The following LAMB1 variants were observed in gnomAD, a reference collection of about 807,000 sequenced individuals.
LAMB1 encodes the protein laminin subunit beta-1.
In LAMB1, 121 loss-of-function variants were observed where a neutral mutation model predicts 222.3. The ratio of observed to expected loss-of-function variants is 0.54; its 90% CI spans 0.47 to 0.63. The LOEUF is 0.63. LAMB1 is among the 30% of genes least tolerant of loss of function. The pLI, the probability that LAMB1 is intolerant of heterozygous loss-of-function variation, is 0.00. For synonymous variants in LAMB1, 794 were observed against 807.2 expected (o/e 0.98, Z 0.28); for missense variants, 2,172 against 2,240.8 (o/e 0.97, Z 0.62).
At chr7:107,927,856 G>A (rs1451607654) in intron 31 of LAMB1, among the ~76,000 whole-genome samples, 1 of 152,102 alleles carries the variant, frequency 6.6e-6, no homozygotes, top group African/African-American at 2.4e-5. Context: ...AATAGAATAG[G>A]GGAACACAGG....
chr7:107,985,179 G>A (rs1015228654), intron 7 of LAMB1, among the ~76,000 whole-genome samples: 46 of 152,294 alleles, frequency 3.0e-4, no homozygotes, highest in African/African-American at 9.9e-4. Flanking sequence ...AGATGTAAAT[G>A]TATTCCCTAT....
rs771341181 is a variant in LAMB1 at position 107,952,104 on chromosome 7, G to T, written c.3199C>A (p.Arg1067Ser). Residue 1067 changes from arginine (R) to serine (S), a missense_variant, in exon 23 of 34, where the codon CGC becomes AGC. Arg to Ser is a moderately radical substitution (Grantham distance 110). Coordinates refer to ENST00000222399, the MANE Select transcript of LAMB1 (RefSeq NM_002291.3). Reference protein sequence around the residue: ...LPNVIGQNCDRCAPNTWQLAS... With the variant: ...LPNVIGQNCDSCAPNTWQLAS... ...AGCTGCCAGGTATTGGGCGCACAGC[G>T]GTCACAGTTCTGCCCGATCACATTA... 1 of 1,614,050 alleles carries T rather than the reference G, an allele frequency of 6.2e-7. No individual in the cohort carries two copies. The highest frequency in any genetic ancestry group is 8.5e-7 in the Non-Finnish European group (1 of 1,179,970).
intron 24 of LAMB1, among the ~76,000 whole-genome samples, chr7:107,949,009 C>G (rs1305493052): frequency 6.6e-6 from 1 of 152,180 alleles, no homozygotes; most frequent in Admixed American, 6.5e-5. Flanking sequence ...TACTTAGTTT[C>G]TGTTTTTTAT....
intron 24 of LAMB1, among the ~76,000 whole-genome samples, chr7:107,943,763 C>T (rs2033049404): frequency 6.6e-6 from 1 of 152,134 alleles, no homozygotes; most frequent in African/African-American, 2.4e-5. Context: ...CTGTTACTTT[C>T]CCAGCTGTTT....
Position 107,975,737 on chromosome 7 carries a change from A to G in LAMB1, c.1141T>C (p.Tyr381His), listed in dbSNP as rs894998808. The G allele has an allele frequency of 2.5e-6, 4 of 1,613,538 alleles. No homozygotes were observed. The highest frequency in any genetic ancestry group is 3.4e-6 in the Non-Finnish European group (4 of 1,179,836). Residue 381 changes from tyrosine to histidine, a missense_variant, in exon 10 of 34, where the codon TAC becomes CAC. Tyr to His is a moderately conservative substitution (Grantham distance 83). Transcript: ENST00000222399. ...ATGTCCCTCTCTGGGTGCTGGTAGT[A>G]AAACGGCTTGCACTGCTCACAGTTG... ...GRNCEQCKPF[Y>H]YQHPERDIRD...
chr7:107,955,397 T>G, intron 21 of LAMB1, 70 bp downstream of exon 21: 5 of 1,353,596 alleles, frequency 3.7e-6, no homozygotes, highest in Non-Finnish European at 5.0e-6. Context: ...TCTTTTTTTC[T>G]CATTAACAAT....
chr7:107,966,003 C>G (rs528364952), intron 13 of LAMB1, among the ~76,000 whole-genome samples: 1 of 151,858 alleles, frequency 6.6e-6, no homozygotes, highest in South Asian at 2.1e-4. Context: ...GAGGCTGAGA[C>G]AGGAGAATCA....
intron 12 of LAMB1, among the ~76,000 whole-genome samples, chr7:107,974,118 A>G (rs2528653): frequency 0.71 from 107,066 of 151,850 alleles, 38,356 homozygotes; most frequent in African/African-American, 0.83. Flanking sequence ...CTTTAAGAAT[A>G]TATTAAGATT....
Position 107,940,012 on chromosome 7 carries a change from A to G in LAMB1, c.3738T>C (p.Ile1246=), listed in dbSNP as rs143391800. The G allele has an allele frequency of 1.2e-5, 20 of 1,613,766 alleles. No homozygotes were observed. The highest frequency in any genetic ancestry group is 1.7e-5 in the Non-Finnish European group (20 of 1,179,852). The change falls in exon 25 of 34, where the codon ATT becomes ATC. Residue 1246 remains isoleucine, a synonymous_variant. Transcript: ENST00000222399. Reference sequence around the variant, plus strand: ...ACTCTGCTTCCTCAAAGAGATTCCCAATGTTTTTCAGTGGCTCTGCTGCGG... The same window carrying G: ...ACTCTGCTTCCTCAAAGAGATTCCCGATGTTTTTCAGTGGCTCTGCTGCGG... ...QSPAAEPLKN[I]GNLFEEAEKL... is the part of the protein sequence containing the mutation.
chr7:107,984,870 G>A (rs1039652122), intron 7 of LAMB1, among the ~76,000 whole-genome samples: 3 of 151,864 alleles, frequency 2.0e-5, no homozygotes, highest in African/African-American at 4.9e-5. Context: ...ATATAGTTAT[G>A]CTAAAAAAAA....
chr7:107,961,411 G>C, intron 16 of LAMB1, 82 bp from the exon 17 acceptor site: 1 of 1,583,650 alleles, frequency 6.3e-7, no homozygotes, highest in Non-Finnish European at 8.6e-7. Context: ...ACAAAGCTCT[G>C]CATCGATAAT....
At chr7:108,002,732 C>T (rs1343085341) in intron 2 of LAMB1, 117 bp downstream of exon 2, 1 of 1,401,532 alleles carries the variant, frequency 7.1e-7, no homozygotes, top group East Asian at 2.4e-5. Context: ...GGCGTCATTT[C>T]CATCCAGTCC....
intron 12 of LAMB1, among the ~76,000 whole-genome samples, chr7:107,973,586 G>T (rs2033795157): frequency 1.3e-5 from 2 of 152,202 alleles, no homozygotes; most frequent in Admixed American, 1.3e-4. Flanking sequence ...AAATGGAACA[G>T]TAGGGAAGAG....
In LAMB1 at chr7:107,960,325, C is replaced by A. The variant is rs559730223; in HGVS notation, c.2314+120G>T. ...AGATAAAGACAAACTGTAACTGAGA[C>A]ACTATTTCCCTTGTGCTGCCTAACA... On this transcript the variant is annotated intron_variant, in intron 18 of 33. Coordinates refer to ENST00000222399, the MANE Select transcript of LAMB1 (RefSeq NM_002291.3). 37 of 665,892 alleles carry A rather than the reference C, an allele frequency of 5.6e-5. 1 individual carries two copies. The South Asian group carries it at 6.6e-4, about 12-fold the overall frequency. The allele number at this position is 665,892 out of a possible 1,614,324, so 41.2% of individuals were successfully genotyped here. A position where few individuals can be genotyped will look rare whatever the true frequency, so the allele number is the denominator to read the frequency against.
rs1416220332 is a variant in LAMB1, at chr7:107,969,064, G to A, written c.1562+3928C>T. The stretch of plus-strand genomic sequence containing the variant: ...AGCACTTTGGGAGTCCGAGGCGAGC[G>A]GATCAAGAGGTCAGGAGATTGAGAC... On this transcript the variant is annotated intron_variant, in intron 13 of 33. Coordinates refer to ENST00000222399, the MANE Select transcript of LAMB1 (RefSeq NM_002291.3). Among the ~76,000 whole-genome samples the A allele has an allele frequency of 5.9e-5, 9 of 152,146 alleles. No individual in the cohort carries two copies. In the South Asian group the frequency reaches 6.2e-4, roughly 11 times the overall value.
chr7:107,955,920 T>C (rs1481946351), intron 20 of LAMB1, among the ~76,000 whole-genome samples: 1 of 151,440 alleles, frequency 6.6e-6, no homozygotes, highest in Non-Finnish European at 1.5e-5. Flanking sequence ...GTTTTTGAGA[T>C]GGAGTCGCGC....
intron 16 of LAMB1, 69 bp from the exon 17 acceptor site, chr7:107,961,398 A>G (rs763931729): frequency 5.8e-5 from 93 of 1,595,014 alleles, no homozygotes; most frequent in Non-Finnish European, 7.8e-5. Flanking sequence ...ATAAAAATTA[A>G]AAACAAAGCT....
chr7:107,971,975 C>G lies in LAMB1; in HGVS notation c.1562+1017G>C, dbSNP rs146796004. On this transcript the variant is annotated intron_variant, in intron 13 of 33. Transcript: ENST00000222399. Reference sequence around the variant, plus strand: ...TTTACTAAAGGATTCAACATGTGTTCTGGGAGTCACAAAGGAAAAGTCAGA... The same window carrying G: ...TTTACTAAAGGATTCAACATGTGTTGTGGGAGTCACAAAGGAAAAGTCAGA... Among the ~76,000 whole-genome samples, 286 of 152,268 alleles carry G rather than the reference C, an allele frequency of 1.9e-3. 1 individual carries two copies. Among genetic ancestry groups the G allele is most frequent in the African/African-American group, 6.8e-3 (281 of 41,544 alleles).
At chr7:107,945,738 T>C (rs1211879461) in intron 24 of LAMB1, among the ~76,000 whole-genome samples, 1 of 152,214 alleles carries the variant, frequency 6.6e-6, no homozygotes, top group East Asian at 1.9e-4. Flanking sequence ...CTTACCCCCA[T>C]AGGTTCTTTG....
Sources: gnomAD v4.1 joint callset for allele counts (sites outside exome capture counted in the v4.1 genomes callset) on GRCh38, gnomAD v4.1.1 for gene constraint, MANE v1.5 for transcripts, NCBI Gene and HGNC (gene_info 2026-07-23, HGNC 2026-07-21) for gene names.